CTDP1: variants seen among roughly 807,000 people sequenced by gnomAD.
CTDP1 encodes CTD phosphatase 1, also known as RNA polymerase II subunit A C-terminal domain phosphatase.
Under a neutral mutation model 91.8 loss-of-function variants are expected in CTDP1, and 47 were observed. The ratio of observed to expected loss-of-function variants is 0.51; its 90% CI spans 0.41 to 0.65. The LOEUF (loss-of-function observed/expected upper bound fraction) is 0.65, where lower values mean the gene tolerates loss of function less well. CTDP1 is among the 30% of genes least tolerant of loss of function. The pLI is 0.00. For synonymous variants in CTDP1, 656 were observed against 598.5 expected (o/e 1.10, Z -1.40); for missense variants, 1,272 against 1,373.7 (o/e 0.93, Z 1.17).
chr18:79,705,689 C>T (rs927295084), intron 5 of CTDP1, among the ~76,000 whole-genome samples: 7 of 152,240 alleles, frequency 4.6e-5, no homozygotes, highest in Non-Finnish European at 1.0e-4. Flanking sequence ...GCAGTGTAGG[C>T]AAGCTCCTCC....
chr18:79,729,157 C>A, intron 11 of CTDP1, 88 bp downstream of exon 11: 1 of 1,547,226 alleles, frequency 6.5e-7, no homozygotes. Context: ...CTGAGCTGTG[C>A]ACCTGGAGGC....
At chr18:79,718,577 T>C (rs3786238) in intron 10 of CTDP1, among the ~76,000 whole-genome samples, 120,082 of 151,938 alleles carry the variant, frequency 0.79, 47,736 homozygotes, top group South Asian at 0.83. Context: ...TTGCAGGCCC[T>C]GAGGGATGCT....
At chr18:79,677,723 CA>C (rs1882260798), upstream of CTDP1, 3 of 152,188 alleles carry the variant, frequency 2.0e-5, no homozygotes, top group African/African-American at 7.2e-5. Context: ...TCTGTCCTTA[CA>C]GTGTGAACCA....
chr18:79,685,859 T>G (rs1243999956), intron 1 of CTDP1, among the ~76,000 whole-genome samples: 2 of 152,366 alleles, frequency 1.3e-5, no homozygotes, highest in East Asian at 3.9e-4. Context: ...TCTTTTAGAA[T>G]AGTTTTATTA....
downstream of CTDP1, chr18:79,755,950 C>G (rs1210777086): frequency 2.6e-5 from 4 of 152,128 alleles, no homozygotes; most frequent in Admixed American, 2.0e-4. Context: ...TTCGCCTGTT[C>G]TGACCGTGTG....
chr18:79,734,771 T>G (rs753205297), intron 11 of CTDP1, among the ~76,000 whole-genome samples: 5 of 152,388 alleles, frequency 3.3e-5, no homozygotes, highest in Non-Finnish European at 5.9e-5. Flanking sequence ...CGTAGGAGAT[T>G]TGCCATCGAA....
intron 1 of CTDP1, among the ~76,000 whole-genome samples, chr18:79,689,778 C>T (rs149080474): frequency 1.3e-5 from 2 of 152,332 alleles, no homozygotes; most frequent in East Asian, 1.9e-4. Flanking sequence ...GAGACTCCGT[C>T]ACAAATAAGT....
rs201359482 is a variant in CTDP1 at position 79,698,003 on chromosome 18, C to T, written c.621+15C>T. 2 of 1,614,138 alleles carry T rather than the reference C, an allele frequency of 1.2e-6. No homozygotes were observed. Among genetic ancestry groups the T allele is most frequent in the Non-Finnish European group, 1.7e-6 (2 of 1,179,986 alleles). On this transcript the variant is annotated intron_variant, in intron 4 of 12. Transcript: ENST00000613122. ...TGTCGAATAAAGTGAGTGCAGTCAGCATCTACGGACAGTTTCCCAGGAACC... is the reference window on the plus strand; with the variant it reads ...TGTCGAATAAAGTGAGTGCAGTCAGTATCTACGGACAGTTTCCCAGGAACC...
chr18:79,737,119 C>A (rs1365484791), intron 12 of CTDP1, among the ~76,000 whole-genome samples: 1 of 152,248 alleles, frequency 6.6e-6, no homozygotes, highest in Non-Finnish European at 1.5e-5. Context: ...TTGCTTTGCG[C>A]TTCCTTCGCC....
At chr18:79,725,658 C>G (rs1437686308) in intron 10 of CTDP1, among the ~76,000 whole-genome samples, 1 of 152,092 alleles carries the variant, frequency 6.6e-6, no homozygotes, top group East Asian at 1.9e-4. Context: ...GGTGCTTGCC[C>G]GGATTCCTGC....
intron 10 of CTDP1, among the ~76,000 whole-genome samples, chr18:79,718,509 CTT>C (rs2086268223): frequency 6.6e-6 from 1 of 152,142 alleles, no homozygotes; most frequent in African/African-American, 2.4e-5. Flanking sequence ...GGAAGGGAAA[CTT>C]GATTGGACTG....
chr18:79,712,225 G>A (rs1278552934), intron 6 of CTDP1, among the ~76,000 whole-genome samples: 1 of 152,176 alleles, frequency 6.6e-6, no homozygotes, highest in African/African-American at 2.4e-5. Context: ...GGGTACTGTG[G>A]TTTGCATGGA....
At chr18:79,677,049 T>C (rs118062047), upstream of CTDP1, among the ~76,000 whole-genome samples, 2,882 of 152,360 alleles carry the variant, frequency 0.019, 52 homozygotes, top group Middle Eastern at 0.11. Flanking sequence ...TCAAAGTCCA[T>C]ACATAACACA....
intron 12 of CTDP1, among the ~76,000 whole-genome samples, chr18:79,741,973 C>T (rs1043246218): frequency 2.0e-5 from 3 of 152,202 alleles, no homozygotes; most frequent in African/African-American, 7.2e-5. Flanking sequence ...GCACAACAAA[C>T]TCCAAATAGG....
At chr18:79,710,211 G>C in intron 5 of CTDP1, 135 bp from the exon 6 acceptor site, 1 of 777,224 alleles carries the variant, frequency 1.3e-6, no homozygotes, top group South Asian at 1.4e-5. Context: ...TACCTCAAAA[G>C]GGATGAAGTG....
chr18:79,724,521 T>C (rs574860089), intron 10 of CTDP1, among the ~76,000 whole-genome samples: 1 of 152,232 alleles, frequency 6.6e-6, no homozygotes. Context: ...GTTGTGGCTG[T>C]AACCTGCATT....
intron 5 of CTDP1, among the ~76,000 whole-genome samples, chr18:79,705,436 C>T (rs1014670081): frequency 2.6e-5 from 4 of 152,212 alleles, no homozygotes; most frequent in African/African-American, 9.7e-5. Flanking sequence ...GGGACGGTGA[C>T]TGTCCCATGT....
At chr18:79,715,572 G>A (rs1256477052) in intron 8 of CTDP1, 44 bp downstream of exon 8, 1 of 1,521,184 alleles carries the variant, frequency 6.6e-7, no homozygotes, top group Non-Finnish European at 8.8e-7. Flanking sequence ...CAGGCCCGCG[G>A]GCTCCTTGCA....
At chr18:79,681,788 C>G (rs904016152) in intron 1 of CTDP1, among the ~76,000 whole-genome samples, 9 of 152,192 alleles carry the variant, frequency 5.9e-5, no homozygotes, top group African/African-American at 1.2e-4. Context: ...GGAGGCTCAT[C>G]TCTCTGCCTC....
Sources: allele counts gnomAD v4.1 joint callset (sites outside exome capture counted in the v4.1 genomes callset), GRCh38; gene constraint gnomAD v4.1.1; transcripts MANE v1.5; gene names NCBI Gene and HGNC (gene_info 2026-07-23, HGNC 2026-07-21).